LAMA2: variants seen among roughly 807,000 people sequenced by gnomAD.
LAMA2 encodes the protein laminin subunit alpha-2.
LAMA2 carries 269 observed loss-of-function variants against 364.8 expected under a neutral mutation model. That is an observed-to-expected ratio of 0.74 (90% confidence interval 0.67 to 0.82). The LOEUF (loss-of-function observed/expected upper bound fraction) is 0.82. Among genes scored for constraint, LAMA2 ranks in the 40% least tolerant of loss-of-function variants. LAMA2 has a pLI of 0.00. For missense variants in LAMA2, 3,807 were observed against 3,873.2 expected, an observed-to-expected ratio of 0.98 and a Z score of 0.45; for synonymous variants, 1,379 against 1,370.6, an observed-to-expected ratio of 1.01 and a Z score of -0.14.
chr6:129,432,503 A>T (rs994533716), intron 41 of LAMA2, among the ~76,000 whole-genome samples: 2 of 152,142 alleles, frequency 1.3e-5, no homozygotes, highest in Admixed American at 6.6e-5. Context: ...AGAGCTAAAA[A>T]CTTATCTGGG....
intron 12 of LAMA2, among the ~76,000 whole-genome samples, chr6:129,249,617 T>C (rs1786028643): frequency 6.6e-6 from 1 of 152,240 alleles, no homozygotes; most frequent in Admixed American, 6.5e-5. Context: ...CCTTTTGTTT[T>C]TCTTTGACCA....
chr6:129,438,682 T>A lies in LAMA2; in HGVS notation c.6005T>A (p.Ile2002Lys). The A allele has an allele frequency of 6.2e-7, 1 of 1,608,788 alleles. No individual in the cohort carries two copies. Among genetic ancestry groups the A allele is most frequent in the Non-Finnish European group, 8.5e-7 (1 of 1,175,492 alleles). ...CATCTAAATGGCTTAAAAACCAGGA[T>A]AGAAAATGCTGATGCTAGAAATGGG... The part of the protein sequence containing the change: ...EDHLNGLKTR[I>K]ENADARNGDL... Residue 2002 changes from isoleucine (I) to lysine (K), a missense_variant, in exon 42 of 65, where the codon ATA becomes AAA. By Grantham distance (102) the Ile-to-Lys change is moderately radical. Transcript: ENST00000421865.
At position 128,911,737 on chromosome 6, in the gene LAMA2, A is replaced by G. The variant is rs1419866679; in HGVS notation, c.112+28380A>G. 2.6e-5 allele frequency among the ~76,000 whole-genome samples: 4 copies of G among 152,200 alleles called. No homozygotes were observed. The East Asian group carries it at 5.8e-4, about 22-fold the overall frequency. On this transcript the variant is annotated intron_variant, in intron 1 of 64. Transcript: ENST00000421865. ...TATGTGACATTTGACAAATATATAT[A>G]TACCCATATAACCGTCAGCCCAACA...
intron 37 of LAMA2, among the ~76,000 whole-genome samples, chr6:129,395,381 GGAAACGT>G (rs1391149399): frequency 6.6e-6 from 1 of 152,042 alleles, no homozygotes; most frequent in African/African-American, 2.4e-5. Context: ...AATTCATTCA[GGAAACGT>G]GCTAGACACC....
chr6:128,924,462 G>A (rs984636480), intron 1 of LAMA2, among the ~76,000 whole-genome samples: 2 of 152,166 alleles, frequency 1.3e-5, no homozygotes, highest in African/African-American at 2.4e-5. Context: ...TAAGTTTATA[G>A]AGTAAAGGAA....
At chr6:128,883,926 G>T (rs1775998433) in intron 1 of LAMA2, among the ~76,000 whole-genome samples, 1 of 150,610 alleles carries the variant, frequency 6.6e-6, no homozygotes, top group Non-Finnish European at 1.5e-5. Flanking sequence ...TTCTTTCATG[G>T]CAATGGCGCC....
chr6:129,153,127 C>A (rs1004357463), intron 7 of LAMA2, among the ~76,000 whole-genome samples: 13 of 152,172 alleles, frequency 8.5e-5, no homozygotes, highest in African/African-American at 2.9e-4. Context: ...TTACCCAATC[C>A]TTTCTGGAGA....
intron 15 of LAMA2, among the ~76,000 whole-genome samples, chr6:129,262,042 T>G (rs191432597): frequency 2.0e-5 from 3 of 152,266 alleles, no homozygotes; most frequent in Admixed American, 2.0e-4. Flanking sequence ...ACTCTTGTTT[T>G]AAGGCTTGTT....
At chr6:129,164,459 A>C (rs893867761) in intron 8 of LAMA2, among the ~76,000 whole-genome samples, 1 of 152,226 alleles carries the variant, frequency 6.6e-6, no homozygotes, top group Non-Finnish European at 1.5e-5. Context: ...TCATCTCTAC[A>C]GGACATTTCG....
chr6:129,239,558 A>G lies in LAMA2; in HGVS notation c.1783-10554A>G, dbSNP rs72973228. On this transcript the variant is annotated intron_variant, in intron 12 of 64. Coordinates refer to ENST00000421865, the MANE Select transcript of LAMA2 (RefSeq NM_000426.4). ...TCCCAGTGAGATCAGATCTAGTCCA[A>G]TGTCTCAGCAGATATAGGAATTCCT... 3.0e-3 allele frequency among the ~76,000 whole-genome samples: 463 copies of G among 152,300 alleles called. 2 individuals are homozygous for G. Among genetic ancestry groups the G allele is most frequent in the Non-Finnish European group, 4.7e-3 (317 of 68,018 alleles).
intron 2 of LAMA2, 144 bp downstream of exon 2, chr6:129,050,232 C>T: frequency 2.5e-6 from 2 of 788,674 alleles, no homozygotes; most frequent in Non-Finnish European, 4.2e-6. Flanking sequence ...CTTCCTGGCC[C>T]CTCTCTGTCA....
intron 28 of LAMA2, 137 bp from the exon 29 acceptor site, chr6:129,328,141 A>G: frequency 2.6e-6 from 2 of 778,026 alleles, no homozygotes; most frequent in South Asian, 1.4e-5. Flanking sequence ...CAAAATCGGC[A>G]CTTGCGTTTG....
intron 14 of LAMA2, among the ~76,000 whole-genome samples, chr6:129,255,031 G>T (rs966188001): frequency 6.8e-6 from 1 of 147,186 alleles, no homozygotes; most frequent in Non-Finnish European, 1.5e-5. Flanking sequence ...TGGTAGAAAT[G>T]ATGTATTTTT....
intron 32 of LAMA2, among the ~76,000 whole-genome samples, chr6:129,360,952 A>G (rs763038497): frequency 2.6e-5 from 4 of 152,208 alleles, no homozygotes; most frequent in Non-Finnish European, 5.9e-5. Flanking sequence ...GGAACCATCT[A>G]GTAAGGAGTA....
intron 27 of LAMA2, among the ~76,000 whole-genome samples, chr6:129,320,101 C>G (rs1294465952): frequency 6.6e-6 from 1 of 151,468 alleles, no homozygotes; most frequent in Non-Finnish European, 1.5e-5. Context: ...CCACTACACT[C>G]CAGCCTGGGT....
At chr6:129,510,278 C>T (rs888425266) in intron 62 of LAMA2, among the ~76,000 whole-genome samples, 2 of 152,002 alleles carry the variant, frequency 1.3e-5, no homozygotes, top group African/African-American at 4.8e-5. Context: ...GATACAAAGT[C>T]AACATACAAA....
chr6:129,352,117 A>G (rs1005463394), intron 31 of LAMA2, among the ~76,000 whole-genome samples: 3 of 152,222 alleles, frequency 2.0e-5, no homozygotes, highest in Non-Finnish European at 2.9e-5. Flanking sequence ...TACACTGACC[A>G]TATATAAAAC....
chr6:129,288,110 A>G (rs929188869), intron 19 of LAMA2, 52 bp downstream of exon 19: 9 of 1,480,454 alleles, frequency 6.1e-6, no homozygotes, highest in African/African-American at 2.8e-5. Context: ...TTGTACCTCA[A>G]AGTAGCTGAT....
rs984485232 is a variant in LAMA2 at position 129,310,305 on chromosome 6, C to T, written c.3175-2556C>T. On this transcript the variant is annotated intron_variant, in intron 22 of 64. Transcript: ENST00000421865. ...ATCTTGGAAATGATAATCTCATAAG[C>T]AAACTACTGTTAGCAGGAACAGAAA... Among the ~76,000 whole-genome samples the T allele has an allele frequency of 4.6e-5, 7 of 152,138 alleles. No homozygotes were observed. In the East Asian group the frequency reaches 1.3e-3, roughly 29 times the overall value.
Sources: allele counts gnomAD v4.1 joint callset (sites outside exome capture counted in the v4.1 genomes callset), GRCh38; gene constraint gnomAD v4.1.1; transcripts MANE v1.5; gene names NCBI Gene and HGNC (gene_info 2026-07-23, HGNC 2026-07-21).